The following RALGPS1 variants were observed in gnomAD, a reference collection of about 807,000 sequenced individuals.
RALGPS1 encodes the protein ras-specific guanine nucleotide-releasing factor RalGPS1.
In RALGPS1, 19 loss-of-function variants were observed where a neutral mutation model predicts 78.8. The observed-to-expected ratio is 0.24, with a 90% confidence interval of 0.17 to 0.35. The LOEUF is 0.35. RALGPS1 is among the 10% of genes least tolerant of loss of function. The pLI is 1.00. For synonymous variants in RALGPS1, 228 were observed against 256.3 expected, an observed-to-expected ratio of 0.89 and a Z score of 1.06; for missense variants, 454 against 688.3, an observed-to-expected ratio of 0.66 and a Z score of 3.81.
At chr9:127,184,855 A>G (rs2060532993) in intron 11 of RALGPS1, among the ~76,000 whole-genome samples, 1 of 152,146 alleles carries the variant, frequency 6.6e-6, no homozygotes. Flanking sequence ...CCTCCCATTA[A>G]TTTCTGATGT....
chr9:127,199,882 G>A (rs972164068), intron 14 of RALGPS1, among the ~76,000 whole-genome samples: 2 of 151,356 alleles, frequency 1.3e-5, no homozygotes, highest in African/African-American at 2.4e-5. Context: ...GTTTGCACCA[G>A]TATCCAGGGC....
At chr9:126,951,223 G>A (rs13300569) in intron 1 of RALGPS1, among the ~76,000 whole-genome samples, 23,155 of 145,574 alleles carry the variant, frequency 0.16, 2,256 homozygotes, top group East Asian at 0.41. Context: ...ATTCACAGCC[G>A]AATTCTACCA....
intron 5 of RALGPS1, among the ~76,000 whole-genome samples, chr9:127,046,291 G>GTCA: frequency 6.6e-6 from 1 of 152,120 alleles, no homozygotes; most frequent in Non-Finnish European, 1.5e-5. Flanking sequence ...TTAAATATTG[G>GTCA]CTGAGCTTAG....
At chr9:127,024,814 T>G (rs1435999115) in intron 4 of RALGPS1, among the ~76,000 whole-genome samples, 2 of 152,224 alleles carry the variant, frequency 1.3e-5, no homozygotes, top group African/African-American at 4.8e-5. Flanking sequence ...TTTGTCCTGC[T>G]CCAGTGTGAA....
chr9:127,197,808 T>G lies in RALGPS1; in HGVS notation c.1195+1177T>G, dbSNP rs572414729. Among the ~76,000 whole-genome samples, 3 of 152,268 alleles carry G rather than the reference T, an allele frequency of 2.0e-5. No homozygotes were observed. In the East Asian group the frequency reaches 5.8e-4, roughly 29 times the overall value. On this transcript the variant is annotated intron_variant, in intron 13 of 18. Coordinates refer to ENST00000259351, the MANE Select transcript of RALGPS1 (RefSeq NM_014636.3). ...GTTGAGCAAAGGTGTGCAGGTTTCT[T>G]CCCAGAGACGCAGCTGTGCTGGTGG...
At chr9:127,012,383 C>T (rs1045172724) in intron 4 of RALGPS1, among the ~76,000 whole-genome samples, 26 of 152,326 alleles carry the variant, frequency 1.7e-4, no homozygotes, top group African/African-American at 6.3e-4. Context: ...TGTACCATCT[C>T]CCCCTGAGCC....
chr9:126,972,798 T>C (rs1186027394), intron 3 of RALGPS1, among the ~76,000 whole-genome samples: 1 of 152,230 alleles, frequency 6.6e-6, no homozygotes, highest in Non-Finnish European at 1.5e-5. Flanking sequence ...GGGCAGTGGC[T>C]CACACCTGTA....
intron 8 of RALGPS1, among the ~76,000 whole-genome samples, chr9:127,138,724 C>T (rs748848384): frequency 2.6e-5 from 4 of 152,162 alleles, no homozygotes; most frequent in South Asian, 4.2e-4. Context: ...CAGGTGTCCC[C>T]GAGTCTCAGT....
intron 5 of RALGPS1, among the ~76,000 whole-genome samples, chr9:127,037,537 G>A (rs2046963307): frequency 6.6e-6 from 1 of 152,224 alleles, no homozygotes; most frequent in African/African-American, 2.4e-5. Flanking sequence ...ACTAAATCTA[G>A]GGAGATACTG....
chr9:127,199,772 A>G (rs1400346715), intron 14 of RALGPS1, among the ~76,000 whole-genome samples: 1 of 152,202 alleles, frequency 6.6e-6, no homozygotes, highest in Non-Finnish European at 1.5e-5. Flanking sequence ...CCCCACAGCC[A>G]TGGCACCACC....
chr9:127,204,542 G>A (rs2061828081), intron 14 of RALGPS1, among the ~76,000 whole-genome samples: 2 of 152,132 alleles, frequency 1.3e-5, no homozygotes, highest in South Asian at 2.1e-4. Context: ...AGTCATCATG[G>A]GAGGGATGGA....
At chr9:127,053,032 TA>T in intron 7 of RALGPS1, 93 bp downstream of exon 7, 1 of 917,586 alleles carries the variant, frequency 1.1e-6, no homozygotes, top group South Asian at 1.4e-5. Context: ...TCTTACTGTC[TA>T]TACTTTGCCA....
intron 1 of RALGPS1, among the ~76,000 whole-genome samples, chr9:126,935,689 C>T (rs964270164): frequency 4.6e-5 from 7 of 152,176 alleles, no homozygotes; most frequent in Non-Finnish European, 8.8e-5. Flanking sequence ...GATTGGTTCT[C>T]CTAAGGAGGA....
intron 8 of RALGPS1, among the ~76,000 whole-genome samples, chr9:127,121,727 C>T (rs760186958): frequency 1.1e-4 from 16 of 152,228 alleles, no homozygotes; most frequent in South Asian, 2.1e-4. Flanking sequence ...TCCAGTGCAG[C>T]AGCCCCTGGG....
chr9:126,976,613 T>C (rs1165637540), intron 3 of RALGPS1, among the ~76,000 whole-genome samples: 1 of 152,138 alleles, frequency 6.6e-6, no homozygotes, highest in Non-Finnish European at 1.5e-5. Flanking sequence ...AAAGAGAACA[T>C]TGCCGTTAAG....
At chr9:127,164,608 C>G (rs1465995277) in intron 8 of RALGPS1, among the ~76,000 whole-genome samples, 2 of 134,684 alleles carry the variant, frequency 1.5e-5, no homozygotes, top group African/African-American at 5.5e-5. Flanking sequence ...GGCATGATCT[C>G]AGCTCACTGC....
intron 1 of RALGPS1, among the ~76,000 whole-genome samples, chr9:126,952,269 C>T (rs1392547324): frequency 6.6e-6 from 1 of 152,180 alleles, no homozygotes; most frequent in Non-Finnish European, 1.5e-5. Flanking sequence ...AGTGGTGCCT[C>T]CTCAGCTCAC....
chr9:127,133,676 A>G (rs937286338), intron 8 of RALGPS1, among the ~76,000 whole-genome samples: 22 of 152,154 alleles, frequency 1.4e-4, no homozygotes, highest in African/African-American at 4.8e-4. Flanking sequence ...CAACACCTCA[A>G]AATCCACCCT....
chr9:127,120,869 C>T (rs534245911), intron 8 of RALGPS1, among the ~76,000 whole-genome samples: 1 of 152,234 alleles, frequency 6.6e-6, no homozygotes, highest in East Asian at 1.9e-4. Flanking sequence ...TCTTCCCTTC[C>T]CTCTGTGCCA....
Sources: allele counts gnomAD v4.1 joint callset (sites outside exome capture counted in the v4.1 genomes callset), GRCh38; gene constraint gnomAD v4.1.1; transcripts MANE v1.5; gene names NCBI Gene and HGNC (gene_info 2026-07-23, HGNC 2026-07-21).